Variants in GPM6B observed in about 807,000 individuals in gnomAD.
GPM6B encodes neuronal membrane glycoprotein M6-b.
A neutral mutation model predicts 27.2 loss-of-function variants in GPM6B; 4 were observed. The ratio of observed to expected loss-of-function variants is 0.15; its 90% CI spans 0.07 to 0.34. GPM6B has a LOEUF of 0.34. Ranked by LOEUF, GPM6B falls within the 10% of genes least tolerant of loss-of-function variation. The pLI is 1.00. For synonymous variants in GPM6B, 124 were observed against 103.1 expected (o/e 1.20, Z -1.23); for missense variants, 183 against 261.9 (o/e 0.70, Z 2.08).
At chrX:13,924,471 A>T (rs894954454) in intron 1 of GPM6B, among the ~76,000 whole-genome samples, 1 of 109,660 alleles carries the variant, frequency 9.1e-6, no homozygotes, top group African/African-American at 3.3e-5. Flanking sequence ...GCTAATTTTT[A>T]AAATTTAGTT....
intron 1 of GPM6B, among the ~76,000 whole-genome samples, chrX:13,871,089 CAAAACAAAACAAAACAAAACAAAACA>C (rs2049971708): frequency 2.8e-5 from 1 of 35,840 alleles, no homozygotes; most frequent in Non-Finnish European, 7.7e-5. Context: ...AAAAACAAAA[CAAAACAAAACAAAACAAAACAAAACA>C]AAAAAAAAAG....
chrX:13,861,093 TAC>T (rs1462460225), intron 1 of GPM6B, among the ~76,000 whole-genome samples: 2 of 106,999 alleles, frequency 1.9e-5, no homozygotes, highest in Non-Finnish European at 3.8e-5. Context: ...CACACATATA[TAC>T]ACATACATAT....
At chrX:13,854,470 C>T (rs990380284) in intron 1 of GPM6B, among the ~76,000 whole-genome samples, 1 of 111,889 alleles carries the variant, frequency 8.9e-6, no homozygotes. Context: ...TTTCTCTCCA[C>T]AGCAAGTTAT....
chrX:13,837,061 G>GT (rs2049504196), intron 1 of GPM6B, among the ~76,000 whole-genome samples: 1 of 112,094 alleles, frequency 8.9e-6, no homozygotes, highest in African/African-American at 3.2e-5. Context: ...AAAAATCAAT[G>GT]TTTAATGCAT....
intron 1 of GPM6B, among the ~76,000 whole-genome samples, chrX:13,808,774 A>G (rs963907802): frequency 8.9e-6 from 1 of 111,951 alleles, no homozygotes; most frequent in African/African-American, 3.3e-5. Context: ...AGAACCTACT[A>G]AAGCCACAGT....
chrX:13,868,685 G>A (rs1285153326), intron 1 of GPM6B, among the ~76,000 whole-genome samples: 1 of 112,408 alleles, frequency 8.9e-6, no homozygotes, highest in Non-Finnish European at 1.9e-5. Flanking sequence ...AATGTATGCT[G>A]TTTCCACAGA....
rs746303050 is a variant in GPM6B at position 13,928,274 on chromosome X, A to T, written c.-198+10053T>A. On this transcript the variant is annotated intron_variant, in intron 1 of 6. Coordinates refer to the GPM6B transcript ENST00000398361. ...TAATCTATAACTGCTGGTTACATTT[A>T]TAAAAACTTATTAAGCTGTACACTT... 1.2e-4 allele frequency among the ~76,000 whole-genome samples: 13 copies of T among 112,500 alleles called. No individual in the cohort carries two copies. The South Asian group carries it at 4.8e-3, about 41-fold the overall frequency.
intron 1 of GPM6B, among the ~76,000 whole-genome samples, chrX:13,931,250 T>C (rs1921509073): frequency 9.0e-6 from 1 of 110,724 alleles, no homozygotes; most frequent in Admixed American, 9.6e-5. Context: ...ATCATGCCTG[T>C]AATCCCAGCA....
intron 1 of GPM6B, among the ~76,000 whole-genome samples, chrX:13,870,370 G>A (rs1388468910): frequency 1.8e-5 from 2 of 112,383 alleles, no homozygotes; most frequent in African/African-American, 6.5e-5. Context: ...GATCATCTGT[G>A]AAGCCTTTTA....
chrX:13,789,328 A>G (rs951638344), intron 2 of GPM6B, among the ~76,000 whole-genome samples: 2 of 111,653 alleles, frequency 1.8e-5, no homozygotes, highest in Non-Finnish European at 3.8e-5. Context: ...CATATCACAC[A>G]CTCATCCTAG....
intron 2 of GPM6B, among the ~76,000 whole-genome samples, chrX:13,792,212 G>A (rs905925669): frequency 5.4e-5 from 6 of 111,346 alleles, no homozygotes; most frequent in African/African-American, 9.8e-5. Flanking sequence ...GATATTTTTC[G>A]TTGCCAAAGC....
chrX:13,798,390 G>A (rs2048854985), intron 2 of GPM6B, among the ~76,000 whole-genome samples: 1 of 108,428 alleles, frequency 9.2e-6, no homozygotes, highest in Non-Finnish European at 1.9e-5. Flanking sequence ...ACAGTGAGGG[G>A]GAAGGAAAAT....
chrX:13,930,800 C>G (rs1356776885), intron 1 of GPM6B, among the ~76,000 whole-genome samples: 1 of 112,270 alleles, frequency 8.9e-6, no homozygotes, highest in Admixed American at 9.4e-5. Flanking sequence ...TATTCCTCTG[C>G]TAAAGAAATA....
intron 1 of GPM6B, among the ~76,000 whole-genome samples, chrX:13,896,713 G>A: frequency 9.0e-6 from 1 of 110,584 alleles, no homozygotes; most frequent in East Asian, 2.8e-4. Context: ...GACTACAGGT[G>A]TGTGCCACCA....
chrX:13,904,029 A>G, intron 1 of GPM6B, among the ~76,000 whole-genome samples: 1 of 111,594 alleles, frequency 9.0e-6, no homozygotes, highest in Non-Finnish European at 1.9e-5. Flanking sequence ...CTGGGCAGTC[A>G]GCTGAACCCT....
In GPM6B at chrX:13,773,953, CTTTTT is replaced by C. The variant is rs772367299; in HGVS notation, c.838-928_838-924del. On this transcript the variant is annotated intron_variant, in intron 7 of 7. Transcript: ENST00000316715. ...AAAAAAAACTACCCACATATAAATC[CTTTTT>C]TTTTTTTTTTTTTTTTTTTTTCCAG... 219 of 436,079 alleles carry C rather than the reference CTTTTT, an allele frequency of 5.0e-4. No individual in the cohort carries two copies. The African/African-American group carries it at 5.8e-3, about 12-fold the overall frequency. 35.9% of individuals were successfully genotyped at this position (436,079 alleles called of 1,213,427 possible). A position where few individuals can be genotyped will look rare whatever the true frequency, so the allele number is the denominator to read the frequency against.
intron 1 of GPM6B, among the ~76,000 whole-genome samples, chrX:13,825,674 G>A (rs1383140516): frequency 8.9e-6 from 1 of 112,867 alleles, no homozygotes; most frequent in East Asian, 2.8e-4. Context: ...CAGAAGTTCG[G>A]TTGGGAGGTG....
intron 1 of GPM6B, among the ~76,000 whole-genome samples, chrX:13,831,149 G>C (rs1189353261): frequency 9.7e-6 from 1 of 103,325 alleles, no homozygotes; most frequent in Non-Finnish European, 2.0e-5. Flanking sequence ...CCAATATATG[G>C]TGAGTAAAGG....
chrX:13,814,381 A>G (rs2049194537), intron 1 of GPM6B, among the ~76,000 whole-genome samples: 1 of 112,248 alleles, frequency 8.9e-6, no homozygotes. Flanking sequence ...TGTGCATAAA[A>G]AACTCTGCGT....
Sources: allele counts gnomAD v4.1 joint callset (sites outside exome capture counted in the v4.1 genomes callset), GRCh38; gene constraint gnomAD v4.1.1; transcripts MANE v1.5; gene names NCBI Gene and HGNC (gene_info 2026-07-23, HGNC 2026-07-21).